Variants in ZNF207 observed in about 807,000 individuals in gnomAD.
ZNF207 encodes zinc finger protein 207, also known as BUB3-interacting and GLEBS motif-containing protein ZNF207.
Under a neutral mutation model 60.2 loss-of-function variants are expected in ZNF207, and 24 were observed. The observed-to-expected ratio is 0.40, with a 90% CI of 0.29 to 0.56. The LOEUF (loss-of-function observed/expected upper bound fraction) is 0.56, where lower values mean the gene tolerates loss of function less well. Among genes scored for constraint, ZNF207 ranks in the 20% least tolerant of loss-of-function variants. The pLI is 0.49. For missense variants in ZNF207, 452 were observed against 636.6 expected (o/e 0.71, Z 3.12); for synonymous variants, 236 against 194.7 (o/e 1.21, Z -1.77).
chr17:32,360,697 A>G lies in ZNF207; in HGVS notation c.407A>G (p.Gln136Arg). Residue 136 changes from glutamine to arginine, a missense_variant, in exon 4 of 12, where the codon CAA (glutamine) becomes CGA (arginine). Gln to Arg is a conservative substitution (Grantham distance 43). Transcript: ENST00000394670. Reference sequence around the variant, plus strand: ...CAGCCACAGCCTGTTCAACCTCAGCAAGGTTATATTCCTCCAATGGCACAG... The same window carrying G: ...CAGCCACAGCCTGTTCAACCTCAGCGAGGTTATATTCCTCCAATGGCACAG... ...SFQPQPVQPQ[Q>R]GYIPPMAQPG... 6.2e-7 allele frequency: 1 copy of G among 1,614,174 alleles called. No homozygotes were observed. The highest frequency in any genetic ancestry group is 8.5e-7 in the Non-Finnish European group (1 of 1,180,046).
intron 7 of ZNF207, among the ~76,000 whole-genome samples, chr17:32,365,040 T>C (rs192992673): frequency 1.3e-5 from 2 of 152,352 alleles, no homozygotes; most frequent in East Asian, 3.9e-4. Context: ...AATAATTCTT[T>C]TATATATTGC....
At chr17:32,352,941 C>A (rs1207833696) in intron 2 of ZNF207, among the ~76,000 whole-genome samples, 1 of 152,208 alleles carries the variant, frequency 6.6e-6, no homozygotes, top group Non-Finnish European at 1.5e-5. Flanking sequence ...CTTTGGGAGG[C>A]CAAGGTGGGC....
At position 32,380,880 on chromosome 17, in the gene ZNF207, C is replaced by G. The variant is rs899506522; in HGVS notation, c.*11121C>G. On this transcript the variant is annotated 3_prime_UTR_variant, in exon 12 of 12. Coordinates refer to ENST00000394670, the MANE Select transcript of ZNF207 (RefSeq NM_001098507.2). The stretch of plus-strand genomic sequence containing the variant: ...GCTGAGGCAGGAAAATCGCTTGAAC[C>G]CAGGGGGAGGAGGTTGCAGTGAGCC... The G allele has an allele frequency of 3.3e-5, 5 of 151,980 alleles. No homozygotes were observed. Among genetic ancestry groups the G allele is most frequent in the African/African-American group, 1.2e-4 (5 of 41,376 alleles). 9.4% of individuals were successfully genotyped at this position (151,980 alleles called of 1,614,324 possible).
chr17:32,362,869 T>G (rs370673668), intron 6 of ZNF207, 45 bp from the exon 7 acceptor site: 4 of 1,550,902 alleles, frequency 2.6e-6, no homozygotes, highest in Non-Finnish European at 3.6e-6. Context: ...TAATGGTTTA[T>G]GCTGTTCATT....
intron 7 of ZNF207, among the ~76,000 whole-genome samples, chr17:32,364,344 A>G (rs1348583525): frequency 6.7e-6 from 1 of 149,046 alleles, no homozygotes; most frequent in Non-Finnish European, 1.5e-5. Context: ...ACACGAGGCT[A>G]TTAGTTGTTT....
chr17:32,364,843 T>G (rs1323746979), intron 7 of ZNF207, among the ~76,000 whole-genome samples: 1 of 152,236 alleles, frequency 6.6e-6, no homozygotes, highest in Non-Finnish European at 1.5e-5. Context: ...GAATAATAAT[T>G]GATGTTCATT....
Position 32,358,613 on chromosome 17 carries a change from A to G in ZNF207, c.279A>G (p.Arg93=), listed in dbSNP as rs373667269. 2.6e-6 allele frequency: 4 copies of G among 1,531,870 alleles called. No individual in the cohort carries two copies. Among genetic ancestry groups the G allele is most frequent in the Non-Finnish European group, 3.5e-6 (4 of 1,148,236 alleles). 94.9% of individuals were successfully genotyped at this position (1,531,870 alleles called of 1,614,324 possible). ...TTCCAGAAAAAGACATGGATGAAAG[A>G]CGACGACTTCTTGAACAGAAAACAC... ...EGIPEKDMDE[R]RRLLEQKTQE... The change falls in exon 3 of 12, where the codon AGA becomes AGG. Residue 93 remains arginine (R), a synonymous_variant. Transcript: ENST00000394670.
intron 9 of ZNF207, among the ~76,000 whole-genome samples, chr17:32,367,546 C>T (rs1332255923): frequency 1.3e-5 from 2 of 151,764 alleles, no homozygotes; most frequent in African/African-American, 4.8e-5. Flanking sequence ...AATATGCAGT[C>T]TTATTTCCAC....
At chr17:32,351,665 A>G in intron 1 of ZNF207, 121 bp from the exon 2 acceptor site, 1 of 1,590,710 alleles carries the variant, frequency 6.3e-7, no homozygotes, top group African/African-American at 1.3e-5. Flanking sequence ...TATAAAAAGC[A>G]GAGTTTCTAT....
At chr17:32,366,109 C>G (rs1008357662) in intron 8 of ZNF207, among the ~76,000 whole-genome samples, 1 of 152,124 alleles carries the variant, frequency 6.6e-6, no homozygotes, top group Non-Finnish European at 1.5e-5. Context: ...GAAGCAGATT[C>G]AGATTTAATT....
At chr17:32,355,218 G>T (rs995242133) in intron 2 of ZNF207, among the ~76,000 whole-genome samples, 6 of 152,044 alleles carry the variant, frequency 3.9e-5, no homozygotes, top group African/African-American at 1.4e-4. Flanking sequence ...AATATAATGA[G>T]ACCCTGTCTC....
At chr17:32,362,131 AG>A (rs1476518146) in intron 6 of ZNF207, among the ~76,000 whole-genome samples, 300 of 146,012 alleles carry the variant, frequency 2.1e-3, no homozygotes, top group Non-Finnish European at 3.2e-3. Flanking sequence ...AAAAAAAAAA[AG>A]TGTGTGTGTG....
chr17:32,360,190 A>ACCCCC (rs1567818198), intron 3 of ZNF207, among the ~76,000 whole-genome samples: 1 of 136,016 alleles, frequency 7.4e-6, no homozygotes, highest in African/African-American at 2.7e-5. Flanking sequence ...CCCCCCCAAA[A>ACCCCC]AAAAAAAAAA....
chr17:32,360,244 G>A (rs987194345), intron 3 of ZNF207, among the ~76,000 whole-genome samples: 1 of 147,046 alleles, frequency 6.8e-6, no homozygotes, highest in African/African-American at 2.5e-5. Flanking sequence ...CAGCTACTTG[G>A]GAGACTGTGG....
Position 32,373,754 on chromosome 17 carries a change from TTTGA to T in ZNF207, c.*3999_*4002del, listed in dbSNP as rs2150806388. On this transcript the variant is annotated 3_prime_UTR_variant, in exon 12 of 12. Transcript: ENST00000394670. The stretch of plus-strand genomic sequence containing the variant: ...CAATAAATTGACAAAATTTGATATT[TTTGA>T]TTGGAGGCAAGAAATGTTTCATTCA... The T allele has an allele frequency of 4.2e-6, 1 of 239,650 alleles. No homozygotes were observed. The highest frequency in any genetic ancestry group is 1.8e-4 in the South Asian group (1 of 5,674). 14.8% of individuals were successfully genotyped at this position (239,650 alleles called of 1,614,324 possible).
chr17:32,352,371 C>A lies in ZNF207; in HGVS notation c.168+459C>A, dbSNP rs563151530. Among the ~76,000 whole-genome samples, 133 of 150,786 alleles carry A rather than the reference C, an allele frequency of 8.8e-4. 1 individual carries two copies. The highest frequency in any genetic ancestry group is 5.9e-4 in the Non-Finnish European group (40 of 67,710). ...GATAGCCAATCAGCATTAAAAAAAA[C>A]AAAAAATTTGTTCGATAGCCATCAA... is the stretch of plus-strand genomic sequence containing the variant. On this transcript the variant is annotated intron_variant, in intron 2 of 11. Coordinates refer to ENST00000394670, the MANE Select transcript of ZNF207 (RefSeq NM_001098507.2).
intron 2 of ZNF207, among the ~76,000 whole-genome samples, chr17:32,357,740 A>T (rs976717428): frequency 2.0e-5 from 3 of 151,818 alleles, no homozygotes; most frequent in Non-Finnish European, 4.4e-5. Context: ...GGTTCAAGTG[A>T]TTCTCATGCC....
In ZNF207 at chr17:32,350,214, AGT is replaced by A. The variant is rs1183245730; in HGVS notation, c.-70_-69del. 6.2e-7 allele frequency: 1 copy of A among 1,607,414 alleles called. No homozygotes were observed. The highest frequency in any genetic ancestry group is 8.5e-7 in the Non-Finnish European group (1 of 1,174,188). On this transcript the variant is annotated 5_prime_UTR_variant, in exon 1 of 12. Coordinates refer to ENST00000394670, the MANE Select transcript of ZNF207 (RefSeq NM_001098507.2). Reference sequence around the variant, plus strand: ...GTGGTGGTAGCCGTTGGGTTGGGAAAGTGAGGGATTTTTGGCCTCGTTTCTCC... The same window carrying A: ...GTGGTGGTAGCCGTTGGGTTGGGAAAGAGGGATTTTTGGCCTCGTTTCTCC...
intron 2 of ZNF207, among the ~76,000 whole-genome samples, chr17:32,355,069 G>GT (rs1290031300): frequency 2.0e-5 from 3 of 152,210 alleles, no homozygotes; most frequent in Admixed American, 2.0e-4. Context: ...ATAAGAAAAA[G>GT]TGAGGAGTTA....
Sources: allele counts gnomAD v4.1 joint callset (sites outside exome capture counted in the v4.1 genomes callset), GRCh38; gene constraint gnomAD v4.1.1; transcripts MANE v1.5; gene names NCBI Gene and HGNC (gene_info 2026-07-23, HGNC 2026-07-21).